The following CSMD1 variants were observed in gnomAD, a reference collection of about 807,000 sequenced individuals.
CSMD1 encodes CUB and Sushi multiple domains 1, also known as CUB and sushi domain-containing protein 1.
CSMD1 carries 213 observed loss-of-function variants against 417.5 expected under a neutral mutation model. That is an observed-to-expected ratio of 0.51 (90% CI 0.46 to 0.57). The LOEUF (loss-of-function observed/expected upper bound fraction) is 0.57, where lower values mean the gene tolerates loss of function less well. CSMD1 is among the 20% of genes least tolerant of loss of function. The pLI is 0.00. For missense variants in CSMD1, 6,923 were observed against 4,529.7 expected (o/e 1.53, Z -15.17); for synonymous variants, 2,862 against 1,736.8 (o/e 1.65, Z -16.11).
At chr8:3,744,902 T>A (rs1375946024) in intron 6 of CSMD1, among the ~76,000 whole-genome samples, 1 of 152,106 alleles carries the variant, frequency 6.6e-6, no homozygotes, top group African/African-American at 2.4e-5. Flanking sequence ...GCTGAGCGCT[T>A]TAGTTGAGTG....
intron 1 of CSMD1, among the ~76,000 whole-genome samples, chr8:4,918,599 C>G (rs4443679): frequency 0.98 from 148,819 of 152,342 alleles, 72,786 homozygotes; most frequent in East Asian, 1. Flanking sequence ...AGACACAAAG[C>G]TGAAAAGTGA....
intron 5 of CSMD1, among the ~76,000 whole-genome samples, chr8:3,773,613 G>C (rs113704002): frequency 1.3e-5 from 2 of 152,122 alleles, no homozygotes; most frequent in East Asian, 1.9e-4. Context: ...TGAAGACAAA[G>C]TAAGTCCAGT....
intron 9 of CSMD1, among the ~76,000 whole-genome samples, chr8:3,579,932 T>A (rs894643882): frequency 8.6e-5 from 13 of 152,000 alleles, no homozygotes; most frequent in Admixed American, 8.5e-4. Context: ...GGTGAAACCC[T>A]GTCTCTACGA....
At chr8:4,960,960 C>A (rs1809437528) in intron 1 of CSMD1, among the ~76,000 whole-genome samples, 1 of 152,076 alleles carries the variant, frequency 6.6e-6, no homozygotes, top group African/African-American at 2.4e-5. Context: ...TTAAACAATG[C>A]ACTTAGCCCA....
chr8:4,423,283 G>A (rs1014374106), intron 2 of CSMD1, among the ~76,000 whole-genome samples: 1 of 152,056 alleles, frequency 6.6e-6, no homozygotes, highest in African/African-American at 2.4e-5. Context: ...ACTATTTGAA[G>A]TTGGCATGAT....
rs376641635 is a variant in CSMD1, at chr8:4,994,455, C to T, written c.-39G>A. On this transcript the variant is annotated 5_prime_UTR_variant, in exon 1 of 70. Transcript: ENST00000635120. ...CCACACGCACGCGACACCGATGGCTCCTCCGAGGAAGGCAGGGCTATGAGC... is the reference window on the plus strand; with the variant it reads ...CCACACGCACGCGACACCGATGGCTTCTCCGAGGAAGGCAGGGCTATGAGC... 8 of 1,571,208 alleles carry T rather than the reference C, an allele frequency of 5.1e-6. No individual in the cohort carries two copies. The highest frequency in any genetic ancestry group is 2.7e-5 in the African/African-American group (2 of 74,132).
rs28625126 is a variant in CSMD1 at position 4,928,318 on chromosome 8, C to T, written c.85+66014G>A. Reference sequence around the variant, plus strand: ...GTGCACAATCCCCTTTATTTTTCTACGGAATTTTTGCCACCATCCGGTATC... The same window carrying T: ...GTGCACAATCCCCTTTATTTTTCTATGGAATTTTTGCCACCATCCGGTATC... On this transcript the variant is annotated intron_variant, in intron 1 of 69. Coordinates refer to ENST00000635120, the MANE Select transcript of CSMD1 (RefSeq NM_033225.6). Among the ~76,000 whole-genome samples the T allele has an allele frequency of 3.3e-3, 510 of 152,248 alleles. 2 individuals carry two copies. The highest frequency in any genetic ancestry group is 0.011 in the African/African-American group (466 of 41,534).
At chr8:4,433,533 G>A (rs992501811) in intron 2 of CSMD1, among the ~76,000 whole-genome samples, 2 of 152,130 alleles carry the variant, frequency 1.3e-5, no homozygotes, top group South Asian at 2.1e-4. Flanking sequence ...CCCCCTGCCG[G>A]CAAGAAAAAC....
At position 3,669,280 on chromosome 8, in the gene CSMD1, A is replaced by C. The variant is rs546856745; in HGVS notation, c.1009+39134T>G. 3.6e-4 allele frequency among the ~76,000 whole-genome samples: 55 copies of C among 152,268 alleles called. 1 individual carries two copies. The South Asian group carries it at 0.011, about 32-fold the overall frequency. On this transcript the variant is annotated intron_variant, in intron 7 of 69. Coordinates refer to ENST00000635120, the MANE Select transcript of CSMD1 (RefSeq NM_033225.6). ...GAAAATGTCTCATCTGTGTTTTCTC[A>C]TCTGTCATTTTGTCATTGTGTTGCC...
intron 31 of CSMD1, among the ~76,000 whole-genome samples, chr8:3,202,137 C>T (rs989956484): frequency 6.6e-6 from 1 of 152,016 alleles, no homozygotes; most frequent in Non-Finnish European, 1.5e-5. Flanking sequence ...CACTGCACTC[C>T]AGCCTGGGCG....
chr8:3,672,924 C>T (rs539212215), intron 7 of CSMD1, among the ~76,000 whole-genome samples: 1 of 152,178 alleles, frequency 6.6e-6, no homozygotes, highest in Non-Finnish European at 1.5e-5. Flanking sequence ...CTTTTCCAAG[C>T]TCTTCACCCC....
At chr8:3,410,999 C>T (rs1254284061) in intron 12 of CSMD1, among the ~76,000 whole-genome samples, 1 of 152,106 alleles carries the variant, frequency 6.6e-6, no homozygotes, top group African/African-American at 2.4e-5. Context: ...AGATGTGATC[C>T]CAGTGTGCCG....
intron 1 of CSMD1, among the ~76,000 whole-genome samples, chr8:4,705,894 A>C (rs1807907580): frequency 6.6e-6 from 1 of 152,240 alleles, no homozygotes. Flanking sequence ...GACTATTGGA[A>C]AAATAGTTTA....
chr8:3,826,419 G>A (rs901511599), intron 5 of CSMD1, among the ~76,000 whole-genome samples: 2 of 152,150 alleles, frequency 1.3e-5, no homozygotes, highest in Admixed American at 1.3e-4. Context: ...CGAGTTATTA[G>A]GGAGACCGCT....
chr8:4,521,222 C>G (rs1279574822), intron 2 of CSMD1, among the ~76,000 whole-genome samples: 2 of 151,672 alleles, frequency 1.3e-5, no homozygotes, highest in Non-Finnish European at 2.9e-5. Context: ...TAAAATGTAA[C>G]AAAAAAGAAC....
intron 4 of CSMD1, among the ~76,000 whole-genome samples, chr8:4,018,358 C>G (rs925612920): frequency 2.0e-5 from 3 of 152,134 alleles, no homozygotes; most frequent in Admixed American, 2.0e-4. Flanking sequence ...ACAAATAATG[C>G]CGAGGAGCTG....
intron 46 of CSMD1, 45 bp downstream of exon 46, chr8:3,106,483 C>T (rs746044667): frequency 8.5e-7 from 1 of 1,180,780 alleles, no homozygotes; most frequent in Non-Finnish European, 1.2e-6. Context: ...TACAATTTTC[C>T]ATGTTGAATA....
intron 3 of CSMD1, among the ~76,000 whole-genome samples, chr8:4,057,669 G>A (rs7461375): frequency 5.3e-5 from 8 of 150,974 alleles, no homozygotes; most frequent in Non-Finnish European, 1.0e-4. Context: ...AGTTTTAGGT[G>A]TAACGTTTAA....
rs1248221595 is a variant in CSMD1 at position 3,833,799 on chromosome 8, C to A, written c.819-79757G>T. ...TCTTGGTAAACTTGGAAAAGAGAGG[C>A]TCATTAAAGATAAAACAAAATGGTT... On this transcript the variant is annotated intron_variant, in intron 5 of 69. Coordinates refer to ENST00000635120, the MANE Select transcript of CSMD1 (RefSeq NM_033225.6). Among the ~76,000 whole-genome samples the A allele has an allele frequency of 2.0e-5, 3 of 152,084 alleles. No homozygotes were observed. In the East Asian group the frequency reaches 5.8e-4, roughly 29 times the overall value.
Sources: gnomAD v4.1 joint callset for allele counts (sites outside exome capture counted in the v4.1 genomes callset) on GRCh38, gnomAD v4.1.1 for gene constraint, MANE v1.5 for transcripts, NCBI Gene and HGNC (gene_info 2026-07-23, HGNC 2026-07-21) for gene names.